Variants in HOXB3 observed in about 807,000 individuals in gnomAD.
HOXB3 encodes the protein homeobox B3, also known as homeobox protein Hox-B3.
Under a neutral mutation model 29.2 loss-of-function variants are expected in HOXB3, and 17 were observed. The ratio of observed to expected loss-of-function variants is 0.58; its 90% CI spans 0.40 to 0.87. HOXB3 has a LOEUF of 0.87. Ranked by LOEUF, HOXB3 falls within the 40% of genes least tolerant of loss-of-function variation. HOXB3 has a pLI of 0.00. For missense variants in HOXB3, 637 were observed against 616.3 expected (o/e 1.03, Z -0.35); for synonymous variants, 317 against 285.9 (o/e 1.11, Z -1.10).
rs1330280752 is a variant in HOXB3 at position 48,550,202 on chromosome 17, C to T, written c.*132G>A. ...AGGCCAGGGGGAAGGGAAGGAGCTC[C>T]AGGCCGGTTCTGACCAGGAAGCCTG... On this transcript the variant is annotated 3_prime_UTR_variant, in exon 5 of 5. Transcript: ENST00000498678. 14 of 1,225,680 alleles carry T rather than the reference C, an allele frequency of 1.1e-5. 1 individual carries two copies. In the Admixed American group the frequency reaches 2.7e-4, roughly 24 times the overall value. The allele number at this position is 1,225,680 out of a possible 1,614,324, so 75.9% of individuals were successfully genotyped here.
intron 2 of HOXB3, among the ~76,000 whole-genome samples, chr17:48,559,174 C>T (rs565505452): frequency 7.2e-5 from 11 of 152,184 alleles, no homozygotes; most frequent in South Asian, 2.1e-4. Flanking sequence ...TATCAGGCGA[C>T]GGGAGCACTT....
At chr17:48,559,587 A>G (rs183513919) in intron 2 of HOXB3, 18 of 152,304 alleles carry the variant, frequency 1.2e-4, no homozygotes, top group African/African-American at 4.3e-4. Flanking sequence ...TCCCCTAAGT[A>G]TTAACGAAGA....
At chr17:48,581,351 G>A (rs1033937312) in intron 1 of HOXB3, 3 of 152,208 alleles carry the variant, frequency 2.0e-5, no homozygotes, top group Non-Finnish European at 4.4e-5. Context: ...TCACACTATG[G>A]TTGTCTTTGC....
Position 48,554,559 on chromosome 17 carries a change from T to A in HOXB3, c.-159+972A>T. ...AAGGTTTGTGCACCCGGGTAGTCCC[T>A]GGCTGCTGCTGCCAGGCTGCCTCAG... On this transcript the variant is annotated intron_variant, in intron 3 of 4. Coordinates refer to ENST00000498678, the MANE Select transcript of HOXB3 (RefSeq NM_001384749.1). This position sits in a 1 kb window ranked among gnomAD's most constrained non-coding sequence, Gnocchi z 4.1. 1 of 696,030 alleles carries A rather than the reference T, an allele frequency of 1.4e-6. No individual in the cohort carries two copies. Among genetic ancestry groups the A allele is most frequent in the East Asian group, 2.7e-5 (1 of 37,188 alleles). 43.1% of individuals were successfully genotyped at this position (696,030 alleles called of 1,614,324 possible). A position where few individuals can be genotyped will look rare whatever the true frequency, so the allele number is the denominator to read the frequency against.
chr17:48,582,533 C>A (rs1418716341), intron 1 of HOXB3: 1 of 152,178 alleles, frequency 6.6e-6, no homozygotes, highest in Non-Finnish European at 1.5e-5. Flanking sequence ...AGGCGCGTCA[C>A]GAGGCTCTCA....
At chr17:48,562,238 AG>A (rs1370986341) in intron 2 of HOXB3, among the ~76,000 whole-genome samples, 1 of 152,202 alleles carries the variant, frequency 6.6e-6, no homozygotes, top group Non-Finnish European at 1.5e-5. Context: ...ATTTTTAACC[AG>A]GCATCAATGC....
intron 1 of HOXB3, among the ~76,000 whole-genome samples, chr17:48,577,254 AG>A (rs1238977288): frequency 6.6e-6 from 1 of 152,120 alleles, no homozygotes; most frequent in Non-Finnish European, 1.5e-5. Flanking sequence ...GTGGTGGGGA[AG>A]GGGGGCGTGT....
At chr17:48,576,551 T>G (rs933738366) in intron 1 of HOXB3, 39 of 515,058 alleles carry the variant, frequency 7.6e-5, no homozygotes, top group Non-Finnish European at 1.1e-4. Context: ...TTTCTATAAA[T>G]AAAGCTTCCC....
chr17:48,569,733 G>A (rs2069519598), intron 2 of HOXB3, among the ~76,000 whole-genome samples: 1 of 152,168 alleles, frequency 6.6e-6, no homozygotes, highest in African/African-American at 2.4e-5. Flanking sequence ...TGGTATAAGT[G>A]GATAAATAAT....
chr17:48,569,447 C>A (rs995710491), intron 2 of HOXB3, among the ~76,000 whole-genome samples: 1 of 151,806 alleles, frequency 6.6e-6, no homozygotes, highest in African/African-American at 2.4e-5. Flanking sequence ...CCCTTCTCCT[C>A]CTGCTTCTGC....
At chr17:48,551,985 C>T in intron 4 of HOXB3, 42 bp downstream of exon 4, 1 of 1,514,250 alleles carries the variant, frequency 6.6e-7, no homozygotes, top group Non-Finnish European at 8.9e-7. Context: ...ACATTCCTGG[C>T]TCCGACAAAA....
chr17:48,562,919 C>T (rs2069248258), intron 2 of HOXB3, among the ~76,000 whole-genome samples: 1 of 152,186 alleles, frequency 6.6e-6, no homozygotes, highest in South Asian at 2.1e-4. Context: ...GCATGGCTCC[C>T]TTACTCTGCT....
chr17:48,588,110 G>C (rs1052862548), intron 1 of HOXB3, among the ~76,000 whole-genome samples: 2 of 152,246 alleles, frequency 1.3e-5, no homozygotes, highest in African/African-American at 4.8e-5. Context: ...GTCTGGGGCA[G>C]AGGAGAGAGT....
In HOXB3 at chr17:48,552,051, G is replaced by T; in HGVS notation, c.424C>A (p.Leu142Met). Residue 142 changes from leucine (L) to methionine (M), a missense_variant, in exon 4 of 5, where the codon CTG (leucine) becomes ATG (methionine). Transcript: ENST00000498678. ...WMKESRQTSK[L>M]KNNSPGTAEG... is the part of the protein sequence containing the mutation. ...CCTGTGCCGGGGGAGTTGTTTTTCA[G>T]CTTGGACGTTTGCCTCGACTCTTTC... is the stretch of plus-strand genomic sequence containing the variant. 6.3e-7 allele frequency: 1 copy of T among 1,588,430 alleles called. No homozygotes were observed. Among genetic ancestry groups the T allele is most frequent in the Non-Finnish European group, 8.6e-7 (1 of 1,163,532 alleles).
intron 2 of HOXB3, among the ~76,000 whole-genome samples, chr17:48,568,739 GGAGAGA>G (rs1305912240): frequency 2.6e-5 from 4 of 151,812 alleles, no homozygotes; most frequent in Non-Finnish European, 4.4e-5. Context: ...GAGGACAGAG[GGAGAGA>G]GGGAGAGGGA....
At position 48,554,976 on chromosome 17, in the gene HOXB3, C is replaced by A; in HGVS notation, c.-159+555G>T. On this transcript the variant is annotated intron_variant, in intron 3 of 4. Coordinates refer to ENST00000498678, the MANE Select transcript of HOXB3 (RefSeq NM_001384749.1). This position sits in a 1 kb window ranked among gnomAD's most constrained non-coding sequence, Gnocchi z 4.1. ...CCCTTGCCTCCATGTTGGAAAAATTCAGGTTCCATATGGCTCCTCGGGAGG... is the reference window on the plus strand; with the variant it reads ...CCCTTGCCTCCATGTTGGAAAAATTAAGGTTCCATATGGCTCCTCGGGAGG... 1.7e-6 allele frequency: 1 copy of A among 605,610 alleles called. No homozygotes were observed. Among genetic ancestry groups the A allele is most frequent in the Non-Finnish European group, 3.0e-6 (1 of 337,772 alleles). 37.5% of individuals were successfully genotyped at this position (605,610 alleles called of 1,614,324 possible).
At chr17:48,557,028 G>A (rs1020870554) in intron 2 of HOXB3, 4 of 152,310 alleles carry the variant, frequency 2.6e-5, no homozygotes, top group African/African-American at 7.2e-5. Context: ...GCAAGGAGGA[G>A]GCCTGTAGGA....
chr17:48,556,260 C>CT (rs1411876733), intron 2 of HOXB3, among the ~76,000 whole-genome samples: 1 of 152,010 alleles, frequency 6.6e-6, no homozygotes, highest in African/African-American at 2.4e-5. Context: ...CCCCATACCC[C>CT]ACTAGTGAAC....
intron 2 of HOXB3, among the ~76,000 whole-genome samples, chr17:48,566,509 G>C (rs555141540): frequency 3.3e-5 from 5 of 151,918 alleles, no homozygotes; most frequent in Admixed American, 6.6e-5. Flanking sequence ...AGACTTCCAC[G>C]TCACAGGCAA....
Sources: gnomAD v4.1 joint callset for allele counts (sites outside exome capture counted in the v4.1 genomes callset) on GRCh38, gnomAD v4.1.1 for gene constraint, Gnocchi (gnomAD v3.1) non-coding constraint, MANE v1.5 for transcripts, NCBI Gene and HGNC (gene_info 2026-07-23, HGNC 2026-07-21) for gene names.